CCDC102B: variants seen among roughly 807,000 people sequenced by gnomAD.
The protein encoded by CCDC102B is coiled-coil domain containing 102B, also known as coiled-coil domain-containing protein 102B.
CCDC102B carries 75 observed loss-of-function variants against 57.4 expected under a neutral mutation model. The ratio of observed to expected loss-of-function variants is 1.31; its 90% CI spans 1.08 to 1.58. The LOEUF (loss-of-function observed/expected upper bound fraction) is 1.58. Among genes scored for constraint, CCDC102B ranks in the 40% most tolerant of loss-of-function variants. The pLI is 0.00. For synonymous variants in CCDC102B, 206 were observed against 201.9 expected (o/e 1.02, Z -0.17); for missense variants, 636 against 582.6 (o/e 1.09, Z -0.94).
At chr18:68,768,503 G>T (rs900874933) in intron 2 of CCDC102B, among the ~76,000 whole-genome samples, 2 of 152,018 alleles carry the variant, frequency 1.3e-5, no homozygotes, top group African/African-American at 4.8e-5. Context: ...CTCTTATTTT[G>T]CATTACTGAT....
intron 6 of CCDC102B, among the ~76,000 whole-genome samples, chr18:68,945,918 T>C (rs532583475): frequency 1.5e-4 from 23 of 152,178 alleles, no homozygotes; most frequent in African/African-American, 5.5e-4. Flanking sequence ...CTTTCTTAAA[T>C]GGTCACTTTA....
intron 6 of CCDC102B, among the ~76,000 whole-genome samples, chr18:68,952,258 G>T (rs917993538): frequency 2.2e-4 from 33 of 151,382 alleles, no homozygotes; most frequent in African/African-American, 7.5e-4. Flanking sequence ...ATGACAAATT[G>T]TATACCCCTC....
intron 3 of CCDC102B, among the ~76,000 whole-genome samples, chr18:68,841,819 G>A (rs1461601956): frequency 1.3e-5 from 2 of 152,032 alleles, no homozygotes; most frequent in Non-Finnish European, 2.9e-5. Flanking sequence ...TGCAATCTCA[G>A]CCTCCTGGGC....
chr18:68,907,236 C>T (rs931215633), intron 6 of CCDC102B, among the ~76,000 whole-genome samples: 2 of 151,990 alleles, frequency 1.3e-5, no homozygotes, highest in African/African-American at 2.4e-5. Flanking sequence ...TTAGGAAGTG[C>T]GAGTATTTCA....
At chr18:68,875,217 T>G (rs2039396404) in intron 5 of CCDC102B, among the ~76,000 whole-genome samples, 1 of 152,146 alleles carries the variant, frequency 6.6e-6, no homozygotes, top group African/African-American at 2.4e-5. Flanking sequence ...TTATAGTTAA[T>G]TCATTTCTTA....
chr18:68,999,781 T>A (rs1260248870), intron 6 of CCDC102B, among the ~76,000 whole-genome samples: 1 of 152,232 alleles, frequency 6.6e-6, no homozygotes, highest in Non-Finnish European at 1.5e-5. Context: ...GTTTCTCTTA[T>A]TCCCAGTTGT....
intron 4 of CCDC102B, among the ~76,000 whole-genome samples, chr18:68,873,207 A>G (rs952421462): frequency 1.3e-5 from 2 of 152,074 alleles, no homozygotes; most frequent in Non-Finnish European, 2.9e-5. Flanking sequence ...CAGACTTTCA[A>G]ATAACTCTGT....
At chr18:68,773,292 A>G (rs1238436038) in intron 2 of CCDC102B, among the ~76,000 whole-genome samples, 1 of 152,074 alleles carries the variant, frequency 6.6e-6, no homozygotes, top group East Asian at 1.9e-4. Flanking sequence ...ATAGTATAAT[A>G]GTAACATGGC....
chr18:68,845,714 A>C (rs1241178195), intron 3 of CCDC102B, among the ~76,000 whole-genome samples: 1 of 151,872 alleles, frequency 6.6e-6, no homozygotes, highest in Non-Finnish European at 1.5e-5. Context: ...TAAAGGACTA[A>C]GTTTTTATCC....
chr18:68,772,407 A>T (rs1276803387), intron 2 of CCDC102B, among the ~76,000 whole-genome samples: 3 of 152,190 alleles, frequency 2.0e-5, no homozygotes, highest in African/African-American at 7.2e-5. Flanking sequence ...AGTACAAATT[A>T]TCTGCAGCTG....
intron 6 of CCDC102B, among the ~76,000 whole-genome samples, chr18:68,927,296 C>T (rs986385859): frequency 2.6e-5 from 4 of 151,864 alleles, no homozygotes; most frequent in Non-Finnish European, 5.9e-5. Context: ...TCATAATGCT[C>T]GACATATGAA....
At chr18:68,924,437 G>C (rs2041406606) in intron 6 of CCDC102B, among the ~76,000 whole-genome samples, 1 of 151,916 alleles carries the variant, frequency 6.6e-6, no homozygotes, top group African/African-American at 2.4e-5. Context: ...CTTCCTCTCT[G>C]CCTTCTGCCA....
At chr18:68,914,985 G>GAA (rs1434074423) in intron 6 of CCDC102B, among the ~76,000 whole-genome samples, 4 of 151,760 alleles carry the variant, frequency 2.6e-5, no homozygotes, top group African/African-American at 9.7e-5. Flanking sequence ...GAGAGAGAGA[G>GAA]AGAGAGAGAG....
intron 6 of CCDC102B, among the ~76,000 whole-genome samples, chr18:68,917,853 A>G (rs1304021922): frequency 6.6e-6 from 1 of 152,188 alleles, no homozygotes; most frequent in Non-Finnish European, 1.5e-5. Context: ...TCAATTCACC[A>G]TAGCAATATA....
At chr18:68,963,012 A>G (rs1459669716) in intron 6 of CCDC102B, among the ~76,000 whole-genome samples, 1 of 151,976 alleles carries the variant, frequency 6.6e-6, no homozygotes, top group Non-Finnish European at 1.5e-5. Flanking sequence ...TATTTATTAC[A>G]CGGCATCTTT....
At chr18:68,859,641 G>A (rs1258864849) in intron 4 of CCDC102B, among the ~76,000 whole-genome samples, 1 of 48,274 alleles carries the variant, frequency 2.1e-5, no homozygotes, top group African/African-American at 5.4e-5. Flanking sequence ...AGTGGGCGAA[G>A]GATATGAACA....
intron 2 of CCDC102B, among the ~76,000 whole-genome samples, chr18:68,785,655 G>A (rs1168763759): frequency 9.4e-5 from 14 of 148,278 alleles, no homozygotes; most frequent in Non-Finnish European, 7.5e-5. Flanking sequence ...CATGTCCTTC[G>A]CCCACTTTTT....
chr18:69,041,892 T>C (rs1307418970), intron 7 of CCDC102B, among the ~76,000 whole-genome samples: 3 of 152,044 alleles, frequency 2.0e-5, no homozygotes, highest in African/African-American at 7.2e-5. Context: ...TGTTACATCA[T>C]TGTGTTTATT....
intron 5 of CCDC102B, among the ~76,000 whole-genome samples, chr18:68,894,134 G>T (rs117865084): frequency 0.012 from 1,785 of 151,886 alleles, 38 homozygotes; most frequent in East Asian, 0.081. Context: ...GATGCCCAAT[G>T]TTACTCATAT....
Sources: gnomAD v4.1 joint callset for allele counts (sites outside exome capture counted in the v4.1 genomes callset) on GRCh38, gnomAD v4.1.1 for gene constraint, MANE v1.5 for transcripts, NCBI Gene and HGNC (gene_info 2026-07-23, HGNC 2026-07-21) for gene names.